ZDHHC15: variants seen among roughly 807,000 people sequenced by gnomAD.
ZDHHC15 encodes palmitoyltransferase ZDHHC15.
ZDHHC15 carries 19 observed loss-of-function variants against 31.7 expected under a neutral mutation model. The observed-to-expected ratio is 0.60, with a 90% CI of 0.42 to 0.88. The LOEUF is 0.88. Ranked by LOEUF, ZDHHC15 falls within the 40% of genes least tolerant of loss-of-function variation. The pLI, the probability that ZDHHC15 is intolerant of heterozygous loss-of-function variation, is 0.00. For missense variants in ZDHHC15, 209 were observed against 251.2 expected (o/e 0.83, Z 1.14); for synonymous variants, 103 against 90.0 (o/e 1.14, Z -0.82).
chrX:75,471,304 G>A (rs962184438), intron 3 of ZDHHC15, among the ~76,000 whole-genome samples: 2 of 112,224 alleles, frequency 1.8e-5, no homozygotes. Context: ...GAGAGACCTT[G>A]ATCGTTTTTC....
At chrX:75,453,716 T>C (rs1162926812) in intron 3 of ZDHHC15, among the ~76,000 whole-genome samples, 1 of 110,652 alleles carries the variant, frequency 9.0e-6, no homozygotes, top group Non-Finnish European at 1.9e-5. Flanking sequence ...ATTCCTGGGA[T>C]GCAAGGCCTA....
chrX:75,489,898 A>G (rs2084846962), intron 2 of ZDHHC15, among the ~76,000 whole-genome samples: 1 of 112,042 alleles, frequency 8.9e-6, no homozygotes, highest in Non-Finnish European at 1.9e-5. Flanking sequence ...TCCTTAAAGG[A>G]CCTGATGGAG....
Position 75,370,893 on chromosome X carries a change from C to T in ZDHHC15, c.*2085G>A, listed in dbSNP as rs969976717. The T allele has an allele frequency of 8.9e-6, 1 of 111,983 alleles. No individual in the cohort carries two copies. The highest frequency in any genetic ancestry group is 1.9e-5 in the Non-Finnish European group (1 of 53,257). 9.2% of individuals were successfully genotyped at this position (111,983 alleles called of 1,213,427 possible). A position where few individuals can be genotyped will look rare whatever the true frequency, so the allele number is the denominator to read the frequency against. On this transcript the variant is annotated 3_prime_UTR_variant, in exon 12 of 12. Transcript: ENST00000373367. ...ACATTAAACAATCAGCTTTGCATTA[C>T]ATCTTTCCTGAGCTTTACCTCTCCG... is the stretch of plus-strand genomic sequence containing the variant.
chrX:75,442,633 C>T (rs1346344207), intron 4 of ZDHHC15, among the ~76,000 whole-genome samples: 2 of 111,849 alleles, frequency 1.8e-5, no homozygotes, highest in Non-Finnish European at 1.9e-5. Flanking sequence ...CAAACTACTG[C>T]TCAATGAAAT....
At chrX:75,373,926 G>GTTTTTTTTTTTGTTTTTTT (rs2083028176) in intron 11 of ZDHHC15, among the ~76,000 whole-genome samples, 2 of 50,459 alleles carry the variant, frequency 4.0e-5, no homozygotes, top group Non-Finnish European at 6.8e-5. Flanking sequence ...CATTCTTTCT[G>GTTTTTTTTTTTGTTTTTTT]TTTTTTTTTT....
intron 10 of ZDHHC15, among the ~76,000 whole-genome samples, chrX:75,383,019 T>A (rs750670781): frequency 9.0e-6 from 1 of 111,566 alleles, no homozygotes; most frequent in African/African-American, 3.3e-5. Context: ...GTACAGGAAC[T>A]AAAATAATTT....
At chrX:75,410,007 A>G (rs765928249) in intron 10 of ZDHHC15, among the ~76,000 whole-genome samples, 11 of 110,771 alleles carry the variant, frequency 9.9e-5, no homozygotes, top group Non-Finnish European at 1.7e-4. Flanking sequence ...TCTTCAGCTG[A>G]CGGTGCTGTG....
At chrX:75,493,224 C>T (rs1444047366) in intron 2 of ZDHHC15, among the ~76,000 whole-genome samples, 1 of 111,598 alleles carries the variant, frequency 9.0e-6, no homozygotes, top group Admixed American at 9.5e-5. Context: ...CCTCCCAAGA[C>T]TAAACCAGGA....
intron 2 of ZDHHC15, among the ~76,000 whole-genome samples, chrX:75,479,667 C>T (rs1195795244): frequency 2.7e-5 from 3 of 111,141 alleles, no homozygotes; most frequent in Non-Finnish European, 3.8e-5. Flanking sequence ...TCTCCTACCC[C>T]CTCACCCATA....
chrX:75,415,593 T>A (rs2083540415), intron 10 of ZDHHC15, among the ~76,000 whole-genome samples: 1 of 112,328 alleles, frequency 8.9e-6, no homozygotes, highest in African/African-American at 3.2e-5. Flanking sequence ...TACCTTGACA[T>A]GTGAGATTAA....
chrX:75,503,578 G>C (rs192246681), intron 2 of ZDHHC15, among the ~76,000 whole-genome samples: 36 of 111,171 alleles, frequency 3.2e-4, no homozygotes, highest in Admixed American at 3.0e-3. Flanking sequence ...GTGAAACTTA[G>C]AGAAGTTAAG....
chrX:75,384,503 C>T (rs960717266), intron 10 of ZDHHC15: 2 of 718,552 alleles, frequency 2.8e-6, no homozygotes, highest in African/African-American at 4.2e-5. Context: ...AAAGGAATGC[C>T]CCACAAGTGT....
intron 3 of ZDHHC15, among the ~76,000 whole-genome samples, chrX:75,462,478 C>T (rs1461763133): frequency 8.9e-6 from 1 of 112,406 alleles, no homozygotes; most frequent in Non-Finnish European, 1.9e-5. Context: ...AAACACTCAT[C>T]TCATTGCCAC....
At chrX:75,392,780 T>G (rs1353131188) in intron 10 of ZDHHC15, among the ~76,000 whole-genome samples, 1 of 111,165 alleles carries the variant, frequency 9.0e-6, no homozygotes. Flanking sequence ...GGCATAAACA[T>G]TTTTTTTAAC....
intron 2 of ZDHHC15, among the ~76,000 whole-genome samples, chrX:75,495,788 G>T (rs1403854982): frequency 1.2e-5 from 1 of 81,965 alleles, no homozygotes; most frequent in Non-Finnish European, 2.3e-5. Context: ...TTGTACGGTG[G>T]GGGGAGGGGG....
At chrX:75,522,293 C>A (rs2085454076) in intron 1 of ZDHHC15, among the ~76,000 whole-genome samples, 1 of 111,636 alleles carries the variant, frequency 9.0e-6, no homozygotes, top group Non-Finnish European at 1.9e-5. Flanking sequence ...TGTGGGATCA[C>A]AAGTGGACAA....
chrX:75,492,780 C>T (rs2084920533), intron 2 of ZDHHC15, among the ~76,000 whole-genome samples: 1 of 111,709 alleles, frequency 9.0e-6, no homozygotes, highest in African/African-American at 3.3e-5. Flanking sequence ...ACATTCAAAG[C>T]AGTGTGTAGA....
intron 1 of ZDHHC15, among the ~76,000 whole-genome samples, chrX:75,517,856 A>C (rs1196515147): frequency 9.0e-6 from 1 of 110,663 alleles, no homozygotes; most frequent in African/African-American, 3.3e-5. Flanking sequence ...TTATAAGAAA[A>C]CACAGGGCAC....
At chrX:75,377,233 C>T (rs1013096512) in intron 11 of ZDHHC15, among the ~76,000 whole-genome samples, 1 of 111,014 alleles carries the variant, frequency 9.0e-6, no homozygotes, top group Non-Finnish European at 1.9e-5. Flanking sequence ...AGGCCCGGCA[C>T]GGTGGCTAAT....
Sources: gnomAD v4.1 joint callset for allele counts (sites outside exome capture counted in the v4.1 genomes callset) on GRCh38, gnomAD v4.1.1 for gene constraint, MANE v1.5 for transcripts, NCBI Gene and HGNC (gene_info 2026-07-23, HGNC 2026-07-21) for gene names.